Variants in CSMD1 observed in about 807,000 individuals in gnomAD.
The protein encoded by CSMD1 is CUB and Sushi multiple domains 1, also known as CUB and sushi domain-containing protein 1.
CSMD1 carries 213 observed loss-of-function variants against 417.5 expected under a neutral mutation model. That is an observed-to-expected ratio of 0.51 (90% CI 0.46 to 0.57). The LOEUF is 0.57. CSMD1 is among the 20% of genes least tolerant of loss of function. CSMD1 has a pLI of 0.00. For missense variants in CSMD1, 6,923 were observed against 4,529.7 expected, an observed-to-expected ratio of 1.53 and a Z score of -15.17; for synonymous variants, 2,862 against 1,736.8, an observed-to-expected ratio of 1.65 and a Z score of -16.11.
intron 3 of CSMD1, among the ~76,000 whole-genome samples, chr8:4,087,953 C>A (rs972818487): frequency 6.6e-6 from 1 of 152,198 alleles, no homozygotes; most frequent in East Asian, 1.9e-4. Context: ...AGGCTAAGAA[C>A]GGTGGTATCC....
At chr8:2,980,382 TCTTC>T (rs1172096074) in intron 54 of CSMD1, among the ~76,000 whole-genome samples, 1 of 151,722 alleles carries the variant, frequency 6.6e-6, no homozygotes. Flanking sequence ...TTCCTCCTCC[TCTTC>T]CTTCTTCTCC....
chr8:4,914,575 C>T (rs1268727593), intron 1 of CSMD1, among the ~76,000 whole-genome samples: 1 of 90,462 alleles, frequency 1.1e-5, no homozygotes, highest in African/African-American at 4.5e-5. Flanking sequence ...GACTCCATCT[C>T]CCAAAAAGAA....
At chr8:4,466,358 G>C (rs906363553) in intron 2 of CSMD1, among the ~76,000 whole-genome samples, 1 of 152,096 alleles carries the variant, frequency 6.6e-6, no homozygotes, top group Non-Finnish European at 1.5e-5. Context: ...AGGTTGACAA[G>C]GACTAGCCAT....
At chr8:4,970,317 TG>T (rs1219333828) in intron 1 of CSMD1, among the ~76,000 whole-genome samples, 1 of 152,098 alleles carries the variant, frequency 6.6e-6, no homozygotes, top group Non-Finnish European at 1.5e-5. Context: ...TAAGTAAATG[TG>T]GCAAGGGGAT....
chr8:4,170,690 C>T (rs575829983), intron 3 of CSMD1, among the ~76,000 whole-genome samples: 2 of 150,812 alleles, frequency 1.3e-5, no homozygotes, highest in South Asian at 2.1e-4. Context: ...AGAACTCTGA[C>T]AAAAGTAAAC....
At chr8:4,410,325 T>C (rs1796580736) in intron 3 of CSMD1, among the ~76,000 whole-genome samples, 1 of 152,190 alleles carries the variant, frequency 6.6e-6, no homozygotes, top group Non-Finnish European at 1.5e-5. Context: ...ACCAGCACAA[T>C]GGTCACACTC....
At chr8:4,886,429 T>A (rs942468337) in intron 1 of CSMD1, among the ~76,000 whole-genome samples, 1 of 152,076 alleles carries the variant, frequency 6.6e-6, no homozygotes, top group African/African-American at 2.4e-5. Context: ...GAAATTTGCA[T>A]CTATATTCAT....
At chr8:4,086,747 G>C (rs1286814060) in intron 3 of CSMD1, among the ~76,000 whole-genome samples, 1 of 152,150 alleles carries the variant, frequency 6.6e-6, no homozygotes, top group East Asian at 1.9e-4. Flanking sequence ...TTGAGTTTCT[G>C]GTCAATTAAT....
At chr8:4,785,652 C>T (rs1797365417) in intron 1 of CSMD1, among the ~76,000 whole-genome samples, 1 of 152,068 alleles carries the variant, frequency 6.6e-6, no homozygotes, top group African/African-American at 2.4e-5. Flanking sequence ...CCAGACTTTG[C>T]TTTTAGAGAA....
intron 49 of CSMD1, among the ~76,000 whole-genome samples, chr8:3,081,127 G>A (rs1204086894): frequency 2.0e-5 from 3 of 152,176 alleles, no homozygotes; most frequent in African/African-American, 7.2e-5. Context: ...CATCCACATG[G>A]TTTATAAGAT....
chr8:3,886,732 G>C (rs1436926738), intron 5 of CSMD1, among the ~76,000 whole-genome samples: 1 of 152,124 alleles, frequency 6.6e-6, no homozygotes, highest in Non-Finnish European at 1.5e-5. Context: ...CTCTAAGATG[G>C]CTGTCATCAG....
At chr8:4,505,111 C>T (rs1389294122) in intron 2 of CSMD1, among the ~76,000 whole-genome samples, 1 of 152,090 alleles carries the variant, frequency 6.6e-6, no homozygotes, top group East Asian at 1.9e-4. Context: ...CCAATATAAG[C>T]ACAAATCCAA....
At chr8:4,616,978 C>G (rs1801506101) in intron 2 of CSMD1, among the ~76,000 whole-genome samples, 1 of 151,820 alleles carries the variant, frequency 6.6e-6, no homozygotes, top group Non-Finnish European at 1.5e-5. Flanking sequence ...TTTTTTTTAC[C>G]TAATAGATTC....
rs151162469 is a variant in CSMD1, at chr8:4,654,451, G to A, written c.86-16893C>T. On this transcript the variant is annotated intron_variant, in intron 1 of 69. Transcript: ENST00000635120. ...TGGTGAGTTTGGAAAAGGAAAGTAG[G>A]AACTTGGAGCATGAAGCCTTTCTCT... Among the ~76,000 whole-genome samples, 281 of 152,136 alleles carry A rather than the reference G, an allele frequency of 1.8e-3. 3 individuals are homozygous for A. Among genetic ancestry groups the A allele is most frequent in the African/African-American group, 6.5e-3 (268 of 41,426 alleles).
intron 52 of CSMD1, among the ~76,000 whole-genome samples, chr8:3,014,844 AG>A (rs1563238784): frequency 6.6e-6 from 1 of 152,024 alleles, no homozygotes; most frequent in Non-Finnish European, 1.5e-5. Flanking sequence ...TGAGTCCAGG[AG>A]GTCGAGGTAG....
At chr8:3,976,832 C>T (rs1179014657) in intron 5 of CSMD1, among the ~76,000 whole-genome samples, 1 of 152,084 alleles carries the variant, frequency 6.6e-6, no homozygotes, top group Non-Finnish European at 1.5e-5. Context: ...TGACCTCAAC[C>T]ACTGCACTGA....
intron 4 of CSMD1, among the ~76,000 whole-genome samples, chr8:4,002,196 T>C (rs1371978175): frequency 1.3e-5 from 2 of 151,542 alleles, no homozygotes; most frequent in Non-Finnish European, 2.9e-5. Context: ...TTAGTGTTGG[T>C]GCCTGTGAGT....
chr8:4,466,373 A>T (rs938794854), intron 2 of CSMD1, among the ~76,000 whole-genome samples: 10 of 152,122 alleles, frequency 6.6e-5, no homozygotes, highest in Non-Finnish European at 1.5e-4. Flanking sequence ...AGCCATGGAG[A>T]TGTATCGGGG....
At chr8:4,345,439 G>T (rs1800725761) in intron 3 of CSMD1, among the ~76,000 whole-genome samples, 1 of 151,936 alleles carries the variant, frequency 6.6e-6, no homozygotes, top group African/African-American at 2.4e-5. Flanking sequence ...TCAGGATAAA[G>T]AAGAGAAAAA....
Sources: gnomAD v4.1 joint callset for allele counts (sites outside exome capture counted in the v4.1 genomes callset) on GRCh38, gnomAD v4.1.1 for gene constraint, MANE v1.5 for transcripts, NCBI Gene and HGNC (gene_info 2026-07-23, HGNC 2026-07-21) for gene names.